The following PDE4B variants were observed in gnomAD, a reference collection of about 807,000 sequenced individuals.
The protein encoded by PDE4B is 3',5'-cyclic-AMP phosphodiesterase 4B.
PDE4B carries 20 observed loss-of-function variants against 82.2 expected under a neutral mutation model. The observed-to-expected ratio is 0.24, with a 90% CI of 0.17 to 0.35. PDE4B has a LOEUF of 0.35. Among genes scored for constraint, PDE4B ranks in the 10% least tolerant of loss-of-function variants. The probability of loss-of-function intolerance (pLI) is 1.00; values close to 1 mark genes in which losing one functional copy is unlikely to be tolerated. For missense variants in PDE4B, 655 were observed against 907.2 expected (o/e 0.72, Z 3.57); for synonymous variants, 320 against 318.9 (o/e 1.00, Z -0.04).
At chr1:66,306,138 C>T (rs768872987) in intron 7 of PDE4B, among the ~76,000 whole-genome samples, 105 of 152,164 alleles carry the variant, frequency 6.9e-4, no homozygotes, top group South Asian at 8.3e-4. Context: ...GGTAATAAGT[C>T]CGTCTCTGTG....
At chr1:65,897,159 A>G (rs1646919541) in intron 1 of PDE4B, among the ~76,000 whole-genome samples, 1 of 152,160 alleles carries the variant, frequency 6.6e-6, no homozygotes, top group Admixed American at 6.6e-5. Context: ...ACACAGTTTC[A>G]GAAGCGTCAA....
At chr1:66,102,257 T>C (rs1210156144) in intron 3 of PDE4B, among the ~76,000 whole-genome samples, 1 of 152,108 alleles carries the variant, frequency 6.6e-6, no homozygotes. Context: ...AGAAGATTTC[T>C]GCATCATACA....
At chr1:66,230,733 C>T (rs1315463041) in intron 3 of PDE4B, among the ~76,000 whole-genome samples, 5 of 152,190 alleles carry the variant, frequency 3.3e-5, no homozygotes, top group Non-Finnish European at 5.9e-5. Context: ...TGACCGGAAG[C>T]ATCTTGCAAT....
intron 3 of PDE4B, among the ~76,000 whole-genome samples, chr1:66,155,774 C>A (rs1236717562): frequency 6.6e-6 from 1 of 152,076 alleles, no homozygotes; most frequent in African/African-American, 2.4e-5. Flanking sequence ...CTAACTTGCC[C>A]TCATCTAATC....
At chr1:66,287,666 G>A (rs1462517436) in intron 7 of PDE4B, among the ~76,000 whole-genome samples, 2 of 152,108 alleles carry the variant, frequency 1.3e-5, no homozygotes, top group African/African-American at 4.8e-5. Context: ...TCCCACACCA[G>A]CAAATAAGGA....
intron 3 of PDE4B, among the ~76,000 whole-genome samples, chr1:66,198,194 C>T (rs764386256): frequency 2.0e-5 from 3 of 152,112 alleles, no homozygotes; most frequent in African/African-American, 7.2e-5. Context: ...CGTTCCCTTT[C>T]CTAGTGATTC....
chr1:66,364,017 A>G (rs1028254515), intron 12 of PDE4B, among the ~76,000 whole-genome samples: 2 of 152,172 alleles, frequency 1.3e-5, no homozygotes, highest in African/African-American at 4.8e-5. Flanking sequence ...ACAGAATTTC[A>G]GGGCAGGAAT....
chr1:65,810,914 G>A (rs777428421), intron 1 of PDE4B, among the ~76,000 whole-genome samples: 2 of 152,060 alleles, frequency 1.3e-5, no homozygotes, highest in Non-Finnish European at 2.9e-5. Flanking sequence ...CTTCGAATAC[G>A]TTAGGGTTTC....
At chr1:65,884,434 G>A (rs1340479308) in intron 1 of PDE4B, among the ~76,000 whole-genome samples, 1 of 152,106 alleles carries the variant, frequency 6.6e-6, no homozygotes, top group Non-Finnish European at 1.5e-5. Context: ...AAAGCTGGAG[G>A]CATCATGCTA....
intron 4 of PDE4B, among the ~76,000 whole-genome samples, chr1:66,254,600 C>A (rs942737523): frequency 2.6e-5 from 4 of 152,138 alleles, no homozygotes; most frequent in African/African-American, 9.7e-5. Context: ...CAAATCAGTA[C>A]CTTTAAGTTC....
At chr1:66,105,597 G>A (rs1017002019) in intron 3 of PDE4B, among the ~76,000 whole-genome samples, 3 of 152,054 alleles carry the variant, frequency 2.0e-5, no homozygotes, top group Non-Finnish European at 2.9e-5. Flanking sequence ...CCATTTGTTG[G>A]TATCCTCTTT....
intron 3 of PDE4B, among the ~76,000 whole-genome samples, chr1:66,220,370 C>T (rs922737658): frequency 6.6e-5 from 10 of 152,142 alleles, no homozygotes; most frequent in Admixed American, 4.6e-4. Context: ...TCTAAATTGT[C>T]TCTTCATAAG....
At chr1:65,998,204 C>T (rs1020942213) in intron 3 of PDE4B, among the ~76,000 whole-genome samples, 5 of 152,112 alleles carry the variant, frequency 3.3e-5, no homozygotes, top group Admixed American at 1.3e-4. Flanking sequence ...TCAGACAGGA[C>T]AAGTAATTTG....
chr1:66,056,782 A>G (rs555639260), intron 3 of PDE4B, among the ~76,000 whole-genome samples: 120 of 152,266 alleles, frequency 7.9e-4, no homozygotes, highest in African/African-American at 2.6e-3. Flanking sequence ...CAAGAAATGC[A>G]GGTCATGTTT....
intron 1 of PDE4B, among the ~76,000 whole-genome samples, chr1:65,850,526 A>T (rs1646319725): frequency 6.6e-6 from 1 of 152,160 alleles, no homozygotes; most frequent in African/African-American, 2.4e-5. Flanking sequence ...ATGGTGAAGG[A>T]TGTGGATAGT....
At chr1:66,342,825 C>T (rs1246656762) in intron 8 of PDE4B, among the ~76,000 whole-genome samples, 1 of 151,916 alleles carries the variant, frequency 6.6e-6, no homozygotes, top group Non-Finnish European at 1.5e-5. Context: ...GGGCGAATCA[C>T]TTGAGGCCAG....
chr1:65,997,768 T>G (rs1192957257), intron 3 of PDE4B, among the ~76,000 whole-genome samples: 1 of 152,238 alleles, frequency 6.6e-6, no homozygotes, highest in East Asian at 1.9e-4. Flanking sequence ...AGCCCTTGTC[T>G]TCAAAGAACT....
chr1:66,289,145 G>T, intron 7 of PDE4B, among the ~76,000 whole-genome samples: 1 of 152,156 alleles, frequency 6.6e-6, no homozygotes, highest in East Asian at 1.9e-4. Context: ...ACACATGCCT[G>T]TGATCTCAGC....
At chr1:66,143,510 C>A (rs902485527) in intron 3 of PDE4B, among the ~76,000 whole-genome samples, 23 of 152,118 alleles carry the variant, frequency 1.5e-4, no homozygotes, top group African/African-American at 5.6e-4. Context: ...GTCAGAAGAT[C>A]CTTGATGCTG....
Sources: allele counts gnomAD v4.1 joint callset (sites outside exome capture counted in the v4.1 genomes callset), GRCh38; gene constraint gnomAD v4.1.1; transcripts MANE v1.5; gene names NCBI Gene and HGNC (gene_info 2026-07-23, HGNC 2026-07-21).